ANG: variants seen among roughly 807,000 people sequenced by gnomAD.
ANG encodes the protein Homo sapiens epididymis luminal protein 168.
For synonymous variants in ANG, 74 were observed against 73.8 expected, an observed-to-expected ratio of 1.00 and a Z score of -0.02; for missense variants, 178 against 187.4, an observed-to-expected ratio of 0.95 and a Z score of 0.29.
chr14:20,693,350 A>G (rs749626807), intron 1 of ANG, 197 bp from the exon 2 acceptor site: 28 of 671,566 alleles, frequency 4.2e-5, no homozygotes, highest in Non-Finnish European at 6.8e-5. Flanking sequence ...TGTGCTCAGG[A>G]AACTATTAAA....
chr14:20,690,456 C>G (rs1444145754), intron 1 of ANG, among the ~76,000 whole-genome samples: 1 of 152,036 alleles, frequency 6.6e-6, no homozygotes, highest in Non-Finnish European at 1.5e-5. Flanking sequence ...TTCCATTTTA[C>G]CTTGCTTTTT....
chr14:20,691,937 G>A (rs1305341476), intron 1 of ANG, among the ~76,000 whole-genome samples: 1 of 152,198 alleles, frequency 6.6e-6, no homozygotes, highest in Non-Finnish European at 1.5e-5. Flanking sequence ...CACAGGCCTA[G>A]TGCCAGGACC....
chr14:20,689,064 G>A (rs1886561446), intron 1 of ANG, among the ~76,000 whole-genome samples, 190 bp downstream of exon 1: 1 of 152,212 alleles, frequency 6.6e-6, no homozygotes, highest in African/African-American at 2.4e-5. Flanking sequence ...AGAGAAATTA[G>A]TGAGACTGGG....
chr14:20,693,023 A>AT (rs1326456575), intron 1 of ANG, among the ~76,000 whole-genome samples: 10 of 151,180 alleles, frequency 6.6e-5, no homozygotes, highest in African/African-American at 2.2e-4. Flanking sequence ...AATTTTTTGT[A>AT]TTTTTAGTAG....
chr14:20,685,700 C>T (rs1886389780), upstream of ANG, among the ~76,000 whole-genome samples: 2 of 152,002 alleles, frequency 1.3e-5, no homozygotes, highest in Admixed American at 6.6e-5. Flanking sequence ...TTTCAGTGGC[C>T]CCTTTAAAGT....
At chr14:20,690,235 A>AG (rs1886665327) in intron 1 of ANG, among the ~76,000 whole-genome samples, 1 of 150,066 alleles carries the variant, frequency 6.7e-6, no homozygotes, top group African/African-American at 2.4e-5. Context: ...AAAAAAAAAA[A>AG]AAAAAAAAAA....
chr14:20,684,242 C>T (rs1183275909), upstream of ANG: 1 of 152,248 alleles, frequency 6.6e-6, no homozygotes, highest in Non-Finnish European at 1.5e-5. Context: ...AGTGTCAAGA[C>T]CAAGTTTCAT....
upstream of ANG, chr14:20,688,749 A>G (rs190733042): frequency 1.7e-4 from 168 of 985,286 alleles, 1 homozygote; most frequent in African/African-American, 2.2e-3. Flanking sequence ...TAGGAACACT[A>G]TATAATCAGA....
intron 1 of ANG, among the ~76,000 whole-genome samples, chr14:20,692,519 C>A (rs933745711): frequency 2.0e-5 from 3 of 152,258 alleles, no homozygotes; most frequent in African/African-American, 7.2e-5. Flanking sequence ...GATCAGCAGG[C>A]AGCATTAGAT....
intron 1 of ANG, among the ~76,000 whole-genome samples, chr14:20,690,059 C>CA (rs1468106809): frequency 6.9e-6 from 1 of 144,884 alleles, no homozygotes; most frequent in Non-Finnish European, 1.5e-5. Flanking sequence ...ACTAAAAATA[C>CA]AAAAAATTAG....
intron 1 of ANG, 176 bp from the exon 2 acceptor site, chr14:20,693,371 G>T (rs902916686): frequency 1.8e-4 from 137 of 772,086 alleles, no homozygotes; most frequent in Non-Finnish European, 2.7e-4. Context: ...TAGACGTTCC[G>T]CAGGAAGGGA....
intron 1 of ANG, among the ~76,000 whole-genome samples, chr14:20,693,052 G>T (rs7143619): frequency 0.4 from 60,373 of 149,914 alleles, 13,922 homozygotes; most frequent in African/African-American, 0.65. Context: ...TTTCACCGTG[G>T]TAGCCAGGAT....
chr14:20,693,461 G>T, intron 1 of ANG, 86 bp from the exon 2 acceptor site: 1 of 1,540,012 alleles, frequency 6.5e-7, no homozygotes, highest in East Asian at 2.2e-5. Flanking sequence ...TCATGATGCC[G>T]TGTCAGAGAG....
At chr14:20,690,078 G>A (rs1019473415) in intron 1 of ANG, among the ~76,000 whole-genome samples, 4 of 148,278 alleles carry the variant, frequency 2.7e-5, no homozygotes, top group South Asian at 2.1e-4. Context: ...AGCCGGGCGC[G>A]GTGGCGGGCG....
Position 20,694,118 on chromosome 14 carries a change from T to A in ANG, c.*110T>A. On this transcript the variant is annotated 3_prime_UTR_variant, in exon 2 of 2. Transcript: ENST00000397990. ...ATTGCCAAGGGCCCAAAGAAAGAGC[T>A]ACCTGGACCTTTTGTTTTCTGTTTG... The A allele has an allele frequency of 8.4e-7, 1 of 1,184,260 alleles. No homozygotes were observed. The highest frequency in any genetic ancestry group is 1.3e-6 in the Non-Finnish European group (1 of 795,804). 73.4% of individuals were successfully genotyped at this position (1,184,260 alleles called of 1,614,324 possible). A position where few individuals can be genotyped will look rare whatever the true frequency, so the allele number is the denominator to read the frequency against.
In ANG at chr14:20,694,168, G is replaced by A. The variant is rs1368234350; in HGVS notation, c.*160G>A. 2 of 770,560 alleles carry A rather than the reference G, an allele frequency of 2.6e-6. No individual in the cohort carries two copies. The highest frequency in any genetic ancestry group is 2.7e-5 in the East Asian group (1 of 37,646). The allele number at this position is 770,560 out of a possible 1,614,324, so 47.7% of individuals were successfully genotyped here. ...GACAACATGTTTAATAAATAAAAAT[G>A]TCTTGATATCAGTAAGAATCAGAGT... On this transcript the variant is annotated 3_prime_UTR_variant, in exon 2 of 2. Coordinates refer to ENST00000397990, the MANE Select transcript of ANG (RefSeq NM_001097577.3).
upstream of ANG, among the ~76,000 whole-genome samples, chr14:20,686,888 A>G (rs1054675736): frequency 6.6e-6 from 1 of 152,246 alleles, no homozygotes; most frequent in Non-Finnish European, 1.5e-5. Flanking sequence ...AGAATGATAC[A>G]TATATACTCT....
At chr14:20,685,821 C>G (rs1260633693), upstream of ANG, among the ~76,000 whole-genome samples, 1 of 152,010 alleles carries the variant, frequency 6.6e-6, no homozygotes, top group African/African-American at 2.4e-5. Flanking sequence ...GTGGGTGCAT[C>G]ACAAGATCAG....
intron 1 of ANG, among the ~76,000 whole-genome samples, chr14:20,692,346 ACAACTGCTTT>A (rs1464209531): frequency 6.6e-6 from 1 of 152,214 alleles, no homozygotes; most frequent in African/African-American, 2.4e-5. Context: ...AACTCAGGAT[ACAACTGCTTT>A]CAACTGCTTT....
Sources: allele counts gnomAD v4.1 joint callset (sites outside exome capture counted in the v4.1 genomes callset), GRCh38; gene constraint gnomAD v4.1.1; transcripts MANE v1.5; gene names NCBI Gene and HGNC (gene_info 2026-07-23, HGNC 2026-07-21).